The following SIPA1L3 variants were observed in gnomAD, a reference collection of about 807,000 sequenced individuals.
The protein encoded by SIPA1L3 is signal-induced proliferation-associated 1-like protein 3.
SIPA1L3 carries 59 observed loss-of-function variants against 150.1 expected under a neutral mutation model. The observed-to-expected ratio is 0.39, with a 90% CI of 0.32 to 0.49. SIPA1L3 has a LOEUF of 0.49. Among genes scored for constraint, SIPA1L3 ranks in the 20% least tolerant of loss-of-function variants. SIPA1L3 has a pLI of 0.86. For synonymous variants in SIPA1L3, 1,070 were observed against 1,077.6 expected (o/e 0.99, Z 0.14); for missense variants, 2,211 against 2,489.5 (o/e 0.89, Z 2.38).
intron 4 of SIPA1L3, among the ~76,000 whole-genome samples, chr19:38,099,678 T>C (rs1970457832): frequency 6.6e-6 from 1 of 152,098 alleles, no homozygotes; most frequent in Non-Finnish European, 1.5e-5. Context: ...TACATTATTG[T>C]CTCATTTAAT....
chr19:37,960,858 T>C lies in SIPA1L3; in HGVS notation c.-379+53500T>C, dbSNP rs1240279503. 2.0e-5 allele frequency among the ~76,000 whole-genome samples: 3 copies of C among 151,098 alleles called. No individual in the cohort carries two copies. In the East Asian group the frequency reaches 5.9e-4, roughly 30 times the overall value. ...CATGAGCAACTGCACCCAGCCAATT[T>C]TAAAAAAAAATATATTTTTTTTTGT... On this transcript the variant is annotated intron_variant, in intron 1 of 21. Coordinates refer to ENST00000222345, the MANE Select transcript of SIPA1L3 (RefSeq NM_015073.3).
chr19:38,120,482 A>G (rs1970991167), intron 9 of SIPA1L3, among the ~76,000 whole-genome samples: 1 of 151,484 alleles, frequency 6.6e-6, no homozygotes, highest in South Asian at 2.1e-4. Flanking sequence ...AAAAACAAAC[A>G]AAAAAAAAGA....
intron 2 of SIPA1L3, among the ~76,000 whole-genome samples, chr19:38,062,291 C>T (rs2145782125): frequency 6.6e-6 from 1 of 152,262 alleles, no homozygotes; most frequent in South Asian, 2.1e-4. Context: ...TGGCTCTATC[C>T]CCAATCTTTA....
At chr19:38,089,976 A>AT (rs1195564526) in intron 4 of SIPA1L3, among the ~76,000 whole-genome samples, 1 of 151,994 alleles carries the variant, frequency 6.6e-6, no homozygotes. Flanking sequence ...AGCTCTCACC[A>AT]TGTCATGGGA....
intron 16 of SIPA1L3, among the ~76,000 whole-genome samples, chr19:38,188,765 T>A (rs970322338): frequency 3.3e-5 from 5 of 150,816 alleles, no homozygotes; most frequent in African/African-American, 7.3e-5. Flanking sequence ...TACTAAAAAT[T>A]AAAAAAAATT....
chr19:37,988,810 T>A (rs1967425816), intron 1 of SIPA1L3, among the ~76,000 whole-genome samples: 1 of 152,152 alleles, frequency 6.6e-6, no homozygotes, highest in Non-Finnish European at 1.5e-5. Context: ...GCCCCATTGC[T>A]CTTTGACCCT....
chr19:38,156,844 T>C (rs867152467), intron 13 of SIPA1L3, among the ~76,000 whole-genome samples: 1 of 151,684 alleles, frequency 6.6e-6, no homozygotes, highest in African/African-American at 2.4e-5. Flanking sequence ...AAAGAAATCA[T>C]TGTGAGGTCT....
chr19:38,041,273 ATTTTTTT>A (rs35807588), intron 2 of SIPA1L3, among the ~76,000 whole-genome samples: 11 of 72,500 alleles, frequency 1.5e-4, no homozygotes, highest in African/African-American at 2.4e-4. Context: ...CGCTCAGCTA[ATTTTTTT>A]TTTTTTTTTT....
chr19:38,104,593 A>C (rs890662894), intron 6 of SIPA1L3, among the ~76,000 whole-genome samples: 6 of 151,714 alleles, frequency 4.0e-5, no homozygotes, highest in Non-Finnish European at 8.8e-5. Context: ...TGTTTTTTTG[A>C]GACAGTCTCG....
At chr19:38,068,344 T>TA (rs1385090536) in intron 2 of SIPA1L3, among the ~76,000 whole-genome samples, 1 of 152,330 alleles carries the variant, frequency 6.6e-6, no homozygotes, top group Admixed American at 6.5e-5. Flanking sequence ...ATCAGATTCT[T>TA]AACGTGCAAT....
chr19:38,117,768 G>A (rs1970921146), intron 8 of SIPA1L3, among the ~76,000 whole-genome samples: 1 of 152,100 alleles, frequency 6.6e-6, no homozygotes, highest in South Asian at 2.1e-4. Context: ...AGAGCTTGGG[G>A]GAACAGAGTC....
At chr19:38,130,234 T>C (rs1263854772) in intron 9 of SIPA1L3, among the ~76,000 whole-genome samples, 2 of 152,202 alleles carry the variant, frequency 1.3e-5, no homozygotes, top group Non-Finnish European at 2.9e-5. Context: ...TCGGGGCCTT[T>C]GGAGCCACAG....
At position 37,982,748 on chromosome 19, in the gene SIPA1L3, C is replaced by T. The variant is rs566203842; in HGVS notation, c.-378-46341C>T. Among the ~76,000 whole-genome samples the T allele has an allele frequency of 8.5e-5, 13 of 152,296 alleles. No individual in the cohort carries two copies. In the East Asian group the frequency reaches 2.3e-3, roughly 27 times the overall value. On this transcript the variant is annotated intron_variant, in intron 1 of 21. Coordinates refer to ENST00000222345, the MANE Select transcript of SIPA1L3 (RefSeq NM_015073.3). ...GGGCTGTATAGTGGCTTATGGCTCT[C>T]CCAGTTAATGGTGCTTATGAATGTG... is the stretch of plus-strand genomic sequence containing the variant.
chr19:38,117,407 G>A (rs1260926826), intron 8 of SIPA1L3, among the ~76,000 whole-genome samples: 5 of 152,028 alleles, frequency 3.3e-5, no homozygotes, highest in African/African-American at 7.2e-5. Flanking sequence ...ATCACTTGAG[G>A]TCAGTAGTTC....
chr19:38,094,931 G>A (rs973480615), intron 4 of SIPA1L3, among the ~76,000 whole-genome samples: 4 of 152,064 alleles, frequency 2.6e-5, no homozygotes. Flanking sequence ...GCTGGGCATG[G>A]TGGCACACAC....
chr19:38,160,255 C>T (rs1023115358), intron 13 of SIPA1L3, among the ~76,000 whole-genome samples: 1 of 152,008 alleles, frequency 6.6e-6, no homozygotes, highest in Non-Finnish European at 1.5e-5. Context: ...CTCAAATGAT[C>T]CCCCCATCTT....
At chr19:38,039,064 G>A (rs1968852783) in intron 2 of SIPA1L3, among the ~76,000 whole-genome samples, 1 of 151,878 alleles carries the variant, frequency 6.6e-6, no homozygotes, top group African/African-American at 2.4e-5. Context: ...TTGTATTTTA[G>A]TAGAGACAAG....
intron 4 of SIPA1L3, among the ~76,000 whole-genome samples, chr19:38,097,301 A>T (rs562716641): frequency 6.6e-6 from 1 of 152,226 alleles, no homozygotes; most frequent in East Asian, 1.9e-4. Flanking sequence ...GTGAACCATG[A>T]TTGTGCCACT....
At chr19:37,929,665 TC>T (rs1349904527) in intron 1 of SIPA1L3, among the ~76,000 whole-genome samples, 1 of 151,784 alleles carries the variant, frequency 6.6e-6, no homozygotes, top group Non-Finnish European at 1.5e-5. Flanking sequence ...CCTGACTCCC[TC>T]CCCCCTCCTC....
Sources: gnomAD v4.1 joint callset for allele counts (sites outside exome capture counted in the v4.1 genomes callset) on GRCh38, gnomAD v4.1.1 for gene constraint, MANE v1.5 for transcripts, NCBI Gene and HGNC (gene_info 2026-07-23, HGNC 2026-07-21) for gene names.